Variants in ERI2 observed in about 807,000 individuals in gnomAD.
ERI2 encodes the protein ERI1 exoribonuclease 2.
A neutral mutation model predicts 46.8 loss-of-function variants in ERI2; 35 were observed. The observed-to-expected ratio is 0.75, with a 90% CI of 0.57 to 0.99. The LOEUF (loss-of-function observed/expected upper bound fraction) is 0.99, where lower values mean the gene tolerates loss of function less well. Ranked by LOEUF, ERI2 falls within the 50% of genes least tolerant of loss-of-function variation. The pLI, the probability that ERI2 is intolerant of heterozygous loss-of-function variation, is 0.00. For synonymous variants in ERI2, 224 were observed against 271.0 expected, an observed-to-expected ratio of 0.83 and a Z score of 1.70; for missense variants, 695 against 796.2, an observed-to-expected ratio of 0.87 and a Z score of 1.53.
intron 10 of ERI2, chr16:20,784,741 G>T (rs1184023682): frequency 1.9e-5 from 4 of 206,762 alleles, no homozygotes; most frequent in Non-Finnish European, 3.8e-5. Flanking sequence ...ACTAGTATTT[G>T]GGGTATTCTA....
intron 7 of ERI2, 158 bp from the exon 8 acceptor site, chr16:20,799,509 C>T (rs140059522): frequency 0.019 from 12,750 of 667,046 alleles, 164 homozygotes; most frequent in Non-Finnish European, 0.027. Context: ...ATAAACTGGT[C>T]TTGGAAGTGG....
chr16:20,798,450 C>T lies in ERI2; in HGVS notation c.1350G>A (p.Leu450=), dbSNP rs1361566230. 4 of 1,550,786 alleles carry T rather than the reference C, an allele frequency of 2.6e-6. No homozygotes were observed. Among genetic ancestry groups the T allele is most frequent in the Non-Finnish European group, 3.5e-6 (4 of 1,146,762 alleles). Residue 450 remains leucine, a synonymous_variant, in exon 9 of 9, where the codon TTG becomes TTA. Transcript: ENST00000357967. ...CAAAGTTTTCATGACTTGACATTTC[C>T]AATTCTTTCAAAACCATTAATCTTT... ...SGERLMVLKE[L]EMSSHENFGD...
At position 20,796,976 on chromosome 16, in the gene ERI2, T is replaced by C. The variant is rs753246621; in HGVS notation, c.*748A>G. 6.2e-7 allele frequency: 1 copy of C among 1,611,156 alleles called. No homozygotes were observed. Among genetic ancestry groups the C allele is most frequent in the East Asian group, 2.2e-5 (1 of 44,678 alleles). On this transcript the variant is annotated 3_prime_UTR_variant, in exon 9 of 9. Coordinates refer to ENST00000357967, the MANE Select transcript of ERI2 (RefSeq NM_001142725.2). Reference sequence around the variant, plus strand: ...GAAAGAATGGAAGACAATTTAAAGTTGTTTCATTAATTACCATATCTATAA... The same window carrying C: ...GAAAGAATGGAAGACAATTTAAAGTCGTTTCATTAATTACCATATCTATAA...
At chr16:20,791,409 C>T (rs764832636), downstream of ERI2, among the ~76,000 whole-genome samples, 10 of 152,208 alleles carry the variant, frequency 6.6e-5, no homozygotes, top group Non-Finnish European at 1.5e-4. Context: ...TAGCAAAAGA[C>T]TTAATTTAGT....
intron 1 of ERI2, among the ~76,000 whole-genome samples, chr16:20,805,434 A>G (rs1043426087): frequency 3.4e-5 from 5 of 148,290 alleles, no homozygotes; most frequent in Non-Finnish European, 6.1e-5. Flanking sequence ...AAAAAAAAAA[A>G]GATCACTAGA....
chr16:20,806,410 C>G lies in ERI2; in HGVS notation c.21G>C (p.Ala7=). 1 of 1,550,778 alleles carries G rather than the reference C, an allele frequency of 6.4e-7. No individual in the cohort carries two copies. Among genetic ancestry groups the G allele is most frequent in the Non-Finnish European group, 8.7e-7 (1 of 1,147,294 alleles). ...CGACCCGGAACTCCCTCGAGTACCG[C>G]GCGAGCCGCTTGGTCGCCATTCCCG... MATKRL[A]RQLGLIRRKS... The change falls in exon 1 of 9, where the codon GCG becomes GCC. Residue 7 remains alanine (A), a splice_region_variant and synonymous_variant. Transcript: ENST00000357967.
Position 20,798,329 on chromosome 16 carries a change from C to G in ERI2, c.1471G>C (p.Asp491His). 6.4e-7 allele frequency: 1 copy of G among 1,551,522 alleles called. No individual in the cohort carries two copies. The highest frequency in any genetic ancestry group is 8.7e-7 in the Non-Finnish European group (1 of 1,146,916). The change falls in exon 9 of 9, where the codon GAT (aspartate) becomes CAT (histidine). Residue 491 changes from aspartate (D) to histidine (H), a missense_variant. Asp to His is a moderately conservative substitution (Grantham distance 81, BLOSUM62 -1). Coordinates refer to ENST00000357967, the MANE Select transcript of ERI2 (RefSeq NM_001142725.2). Reference sequence around the variant, plus strand: ...AAGGCAGAAATATCTGAACCTGGATCTTTGGCTTCTTTTACATTATAAATA... The same window carrying G: ...AAGGCAGAAATATCTGAACCTGGATGTTTGGCTTCTTTTACATTATAAATA... ...TTIYNVKEAK[D>H]PGSDISAFKL...
intron 1 of ERI2, among the ~76,000 whole-genome samples, chr16:20,805,223 C>T (rs966194854): frequency 6.6e-6 from 1 of 151,956 alleles, no homozygotes; most frequent in African/African-American, 2.4e-5. Context: ...GTCGGGAGTT[C>T]GAGAACAGTC....
At chr16:20,780,890 C>T in intron 10 of ERI2, 1 of 1,613,614 alleles carries the variant, frequency 6.2e-7, no homozygotes, top group Non-Finnish European at 8.5e-7. Flanking sequence ...CTTGAAGTGT[C>T]AAAACTGCAA....
chr16:20,791,232 G>A (rs1423586331), intron 8 of ERI2, among the ~76,000 whole-genome samples: 1 of 152,138 alleles, frequency 6.6e-6, no homozygotes, highest in Non-Finnish European at 1.5e-5. Flanking sequence ...ACAGTATCTT[G>A]TTTTTTCTTA....
chr16:20,781,827 G>A, intron 10 of ERI2: 2 of 1,441,104 alleles, frequency 1.4e-6, no homozygotes, highest in East Asian at 2.3e-5. Context: ...TGGGGAGAGG[G>A]GAGAAGAGGA....
In ERI2 at chr16:20,780,734, C is replaced by T. The variant is rs140383492; in HGVS notation, c.895G>A (p.Val299Met). 8 of 1,614,056 alleles carry T rather than the reference C, an allele frequency of 5.0e-6. No individual in the cohort carries two copies. The African/African-American group carries it at 8.0e-5, about 16-fold the overall frequency. ...TGCAGACATGCCAGTGACAGCCACA[C>T]CTGTGTGAAGACAAAACACAATGAG... The change falls in exon 11 of 11, where the codon GTG (valine) becomes ATG (methionine). Residue 299 changes from valine (V) to methionine (M), a missense_variant and splice_region_variant. Transcript: ENST00000300005.
Position 20,796,702 on chromosome 16 carries a change from A to G in ERI2, c.*1022T>C. Reference sequence around the variant, plus strand: ...CCTTTGGCTTACTGGACTCACAGTAAATACTTAATATCAAGACAACTTTCC... The same window carrying G: ...CCTTTGGCTTACTGGACTCACAGTAGATACTTAATATCAAGACAACTTTCC... On this transcript the variant is annotated 3_prime_UTR_variant, in exon 9 of 9. Coordinates refer to ENST00000357967, the MANE Select transcript of ERI2 (RefSeq NM_001142725.2). 6.7e-7 allele frequency: 1 copy of G among 1,481,814 alleles called. No homozygotes were observed. Among genetic ancestry groups the G allele is most frequent in the Non-Finnish European group, 8.9e-7 (1 of 1,123,572 alleles). 91.8% of individuals were successfully genotyped at this position (1,481,814 alleles called of 1,614,324 possible). A position where few individuals can be genotyped will look rare whatever the true frequency, so the allele number is the denominator to read the frequency against.
chr16:20,786,235 A>C (rs763195272), intron 10 of ERI2: 2 of 1,522,324 alleles, frequency 1.3e-6, no homozygotes, highest in South Asian at 2.5e-5. Flanking sequence ...CCCCCATATA[A>C]ACTTTCTTTG....
In ERI2 at chr16:20,798,621, C is replaced by T. The variant is rs1470397721; in HGVS notation, c.1179G>A (p.Leu393=). The stretch of plus-strand genomic sequence containing the variant: ...AACAGTCCAGAGTAGAGCTCATTTC[C>T]AAATCAGAAACATGATGAACAGTTG... ...TVPTVHHVSD[L]EMSSTLDCLP... is the part of the protein sequence containing the mutation. The change falls in exon 9 of 9, where the codon TTG becomes TTA. Residue 393 remains leucine (L), a synonymous_variant. Coordinates refer to ENST00000357967, the MANE Select transcript of ERI2 (RefSeq NM_001142725.2). 3 of 1,551,484 alleles carry T rather than the reference C, an allele frequency of 1.9e-6. No homozygotes were observed. The highest frequency in any genetic ancestry group is 2.7e-5 in the African/African-American group (2 of 73,026).
rs115937746 is a variant in ERI2, at chr16:20,802,657, C to T, written c.303+139G>A. On this transcript the variant is annotated intron_variant, in intron 4 of 8. Transcript: ENST00000357967. The stretch of plus-strand genomic sequence containing the variant: ...CAAACTCCTGGCCTCAAGCAATTCT[C>T]GAACATCAGCCTGCAAAGTGCTGGG... 1.6e-3 allele frequency: 1,630 copies of T among 1,005,014 alleles called. 25 individuals carry two copies. In the African/African-American group the frequency reaches 0.023, roughly 14 times the overall value. The allele number at this position is 1,005,014 out of a possible 1,614,324, so 62.3% of individuals were successfully genotyped here.
Position 20,798,062 on chromosome 16 carries a change from T to C in ERI2, c.1738A>G (p.Thr580Ala), listed in dbSNP as rs1228321398. The C allele has an allele frequency of 5.8e-6, 9 of 1,551,522 alleles. No individual in the cohort carries two copies. The African/African-American group carries it at 1.1e-4, about 19-fold the overall frequency. ...WRRLPSILTS[T>A]VNLQEPWKSG... ...TTCCATGGCTCTTGTAGGTTAACTG[T>C]AGAAGTTAATATAGATGGGAGACGC... is the stretch of plus-strand genomic sequence containing the variant. Residue 580 changes from threonine (T) to alanine (A), a missense_variant, in exon 9 of 9, where the codon ACA (threonine) becomes GCA (alanine). Transcript: ENST00000357967.
At chr16:20,799,720 G>C in intron 7 of ERI2, 1 of 479,836 alleles carries the variant, frequency 2.1e-6, no homozygotes, top group Non-Finnish European at 3.7e-6. Flanking sequence ...ATTTGATTTG[G>C]CTCATTCTTT....
chr16:20,805,866 GGA>G, intron 1 of ERI2: 1 of 666,992 alleles, frequency 1.5e-6, no homozygotes, highest in Non-Finnish European at 1.9e-6. Flanking sequence ...GCAGTAGGGT[GGA>G]CGCGCCACGT....
Sources: allele counts gnomAD v4.1 joint callset (sites outside exome capture counted in the v4.1 genomes callset), GRCh38; gene constraint gnomAD v4.1.1; transcripts MANE v1.5; gene names NCBI Gene and HGNC (gene_info 2026-07-23, HGNC 2026-07-21).